Variants in GPC5 observed in about 807,000 individuals in gnomAD.
GPC5 encodes the protein glypican-5.
In GPC5, 47 loss-of-function variants were observed where a neutral mutation model predicts 53.9. That is an observed-to-expected ratio of 0.87 (90% CI 0.69 to 1.11). The LOEUF is 1.11. Among genes scored for constraint, GPC5 ranks in the 50% most tolerant of loss-of-function variants. The pLI is 0.00. For missense variants in GPC5, 748 were observed against 713.1 expected (o/e 1.05, Z -0.56); for synonymous variants, 286 against 263.3 (o/e 1.09, Z -0.84).
At chr13:92,030,403 C>A (rs1001047028) in intron 6 of GPC5, among the ~76,000 whole-genome samples, 5 of 152,100 alleles carry the variant, frequency 3.3e-5, no homozygotes, top group African/African-American at 9.7e-5. Flanking sequence ...CTCATTATTT[C>A]TCAGGCCCTA....
At chr13:92,676,027 G>A (rs1886926593) in intron 7 of GPC5, among the ~76,000 whole-genome samples, 1 of 152,022 alleles carries the variant, frequency 6.6e-6, no homozygotes, top group Non-Finnish European at 1.5e-5. Flanking sequence ...TTTATTCAAT[G>A]GTTTATATTT....
chr13:91,432,864 C>T (rs1879604111), intron 1 of GPC5, among the ~76,000 whole-genome samples: 1 of 152,044 alleles, frequency 6.6e-6, no homozygotes, highest in South Asian at 2.1e-4. Context: ...CAGCAATGTG[C>T]TCCTCTTATA....
intron 7 of GPC5, among the ~76,000 whole-genome samples, chr13:92,286,371 C>G (rs1030897110): frequency 2.6e-5 from 4 of 152,132 alleles, no homozygotes; most frequent in Non-Finnish European, 5.9e-5. Context: ...TTTGACCCAG[C>G]CATCCCATTA....
intron 2 of GPC5, among the ~76,000 whole-genome samples, chr13:91,471,520 G>A (rs572486745): frequency 2.0e-5 from 3 of 152,188 alleles, no homozygotes; most frequent in South Asian, 2.1e-4. Flanking sequence ...AAGTTAGAGA[G>A]GTGCTGTCAG....
chr13:92,480,920 C>T (rs762678055), intron 7 of GPC5, among the ~76,000 whole-genome samples: 14 of 152,158 alleles, frequency 9.2e-5, no homozygotes, highest in Non-Finnish European at 1.9e-4. Flanking sequence ...AAAGACTCAC[C>T]TAGCGATTGC....
At chr13:92,655,870 T>C (rs950600849) in intron 7 of GPC5, among the ~76,000 whole-genome samples, 4 of 152,192 alleles carry the variant, frequency 2.6e-5, no homozygotes, top group Non-Finnish European at 5.9e-5. Context: ...CAAAAAGTCA[T>C]ATATTTATCT....
At chr13:91,536,053 A>G (rs1594220229) in intron 2 of GPC5, among the ~76,000 whole-genome samples, 1 of 152,306 alleles carries the variant, frequency 6.6e-6, no homozygotes, top group East Asian at 1.9e-4. Flanking sequence ...ATATAAGTTG[A>G]CTACCATTTA....
intron 6 of GPC5, among the ~76,000 whole-genome samples, chr13:92,109,709 C>G (rs904379230): frequency 6.6e-6 from 1 of 152,080 alleles, no homozygotes; most frequent in African/African-American, 2.4e-5. Context: ...TTTCAGGACT[C>G]TTAAGGTAAG....
In GPC5 at chr13:92,711,836, C is replaced by T. The variant is rs373024603; in HGVS notation, c.1562-154446C>T. ...CACTTCTAATGAACCATGAGTTAAA[C>T]AGCAAGTTTCAAGAGAAAAAAATAG... is the stretch of plus-strand genomic sequence containing the variant. On this transcript the variant is annotated intron_variant, in intron 7 of 7. Transcript: ENST00000377067. Among the ~76,000 whole-genome samples, 9 of 151,962 alleles carry T rather than the reference C, an allele frequency of 5.9e-5. No individual in the cohort carries two copies. In the East Asian group the frequency reaches 1.4e-3, roughly 23 times the overall value.
chr13:92,273,567 G>A (rs949316449), intron 7 of GPC5, among the ~76,000 whole-genome samples: 42 of 151,974 alleles, frequency 2.8e-4, no homozygotes, highest in African/African-American at 9.2e-4. Context: ...AAATGAAGGT[G>A]ATGTGATACT....
intron 7 of GPC5, among the ~76,000 whole-genome samples, chr13:92,514,809 G>A (rs963819373): frequency 5.9e-5 from 9 of 152,126 alleles, no homozygotes; most frequent in African/African-American, 1.9e-4. Context: ...AGACCCATTC[G>A]GCCTTCTCCA....
intron 2 of GPC5, among the ~76,000 whole-genome samples, chr13:91,632,294 G>A (rs1009390197): frequency 6.6e-6 from 1 of 152,126 alleles, no homozygotes; most frequent in Non-Finnish European, 1.5e-5. Flanking sequence ...GGAATTGCCT[G>A]TGTCCTTAGG....
intron 5 of GPC5, among the ~76,000 whole-genome samples, chr13:91,890,559 T>C (rs1439890437): frequency 1.3e-5 from 2 of 152,042 alleles, no homozygotes; most frequent in African/African-American, 4.8e-5. Flanking sequence ...TTGTAGTGAG[T>C]GGCACTCAGG....
intron 6 of GPC5, among the ~76,000 whole-genome samples, chr13:91,954,804 C>A (rs539277659): frequency 1.3e-5 from 2 of 152,034 alleles, no homozygotes; most frequent in Non-Finnish European, 2.9e-5. Flanking sequence ...AATAAAATCA[C>A]TCTTACTGAC....
At chr13:92,587,822 T>G (rs1364271770) in intron 7 of GPC5, among the ~76,000 whole-genome samples, 2 of 152,140 alleles carry the variant, frequency 1.3e-5, no homozygotes, top group Non-Finnish European at 2.9e-5. Flanking sequence ...CAGAGTGGTG[T>G]TACATATTCT....
At chr13:91,827,889 G>A (rs567772072) in intron 5 of GPC5, among the ~76,000 whole-genome samples, 51 of 151,940 alleles carry the variant, frequency 3.4e-4, no homozygotes, top group African/African-American at 1.1e-3. Context: ...TTGTTTATAC[G>A]TACTCACAGC....
At chr13:91,597,624 T>C (rs1312694630) in intron 2 of GPC5, among the ~76,000 whole-genome samples, 2 of 152,178 alleles carry the variant, frequency 1.3e-5, no homozygotes, top group African/African-American at 4.8e-5. Context: ...AACCCACATC[T>C]TGGCCACAGG....
intron 5 of GPC5, among the ~76,000 whole-genome samples, chr13:91,774,037 T>A (rs2037669005): frequency 6.6e-6 from 1 of 152,330 alleles, no homozygotes; most frequent in Non-Finnish European, 1.5e-5. Flanking sequence ...ATGCATTGCT[T>A]TTCTCTCTAA....
At chr13:92,441,848 A>G (rs1287515885) in intron 7 of GPC5, among the ~76,000 whole-genome samples, 1 of 152,222 alleles carries the variant, frequency 6.6e-6, no homozygotes, top group Admixed American at 6.5e-5. Flanking sequence ...TAAAATTCAT[A>G]TGGAACCAAC....
Sources: gnomAD v4.1 joint callset for allele counts (sites outside exome capture counted in the v4.1 genomes callset) on GRCh38, gnomAD v4.1.1 for gene constraint, MANE v1.5 for transcripts, NCBI Gene and HGNC (gene_info 2026-07-23, HGNC 2026-07-21) for gene names.